PALM2AKAP2: variants seen among roughly 807,000 people sequenced by gnomAD.
The protein encoded by PALM2AKAP2 is PALM2 and AKAP2 fusion.
A neutral mutation model predicts 71.5 loss-of-function variants in PALM2AKAP2; 37 were observed. The ratio of observed to expected loss-of-function variants is 0.52; its 90% confidence interval spans 0.40 to 0.68. PALM2AKAP2 has a LOEUF of 0.68. Ranked by LOEUF, PALM2AKAP2 falls within the 30% of genes least tolerant of loss-of-function variation. The pLI is 0.00. For synonymous variants in PALM2AKAP2, 468 were observed against 478.8 expected (o/e 0.98, Z 0.29); for missense variants, 1,224 against 1,191.8 (o/e 1.03, Z -0.40).
At chr9:110,038,091 C>G (rs1019254513) in intron 7 of PALM2AKAP2, among the ~76,000 whole-genome samples, 10 of 152,186 alleles carry the variant, frequency 6.6e-5, no homozygotes, top group Non-Finnish European at 1.5e-4. Flanking sequence ...AATCCTAGCA[C>G]TTTGGAAGGC....
chr9:110,046,919 A>G (rs1367480425), upstream of PALM2AKAP2, among the ~76,000 whole-genome samples: 1 of 152,232 alleles, frequency 6.6e-6, no homozygotes, highest in African/African-American at 2.4e-5. Flanking sequence ...ATTCTTCCTT[A>G]GAGAGTCTAT....
At chr9:109,952,663 T>C (rs938643615) in intron 6 of PALM2AKAP2, among the ~76,000 whole-genome samples, 1 of 152,246 alleles carries the variant, frequency 6.6e-6, no homozygotes, top group Non-Finnish European at 1.5e-5. Context: ...TGCAGTTGTT[T>C]GTGGAGCTAT....
chr9:109,773,801 C>T (rs1298029774), intron 1 of PALM2AKAP2, among the ~76,000 whole-genome samples: 5 of 93,350 alleles, frequency 5.4e-5, no homozygotes, highest in South Asian at 3.9e-4. Context: ...GCAGTTTGTC[C>T]GGGAGGCCCT....
chr9:110,086,048 A>G (rs1430535160), intron 1 of PALM2AKAP2, among the ~76,000 whole-genome samples: 3 of 150,512 alleles, frequency 2.0e-5, no homozygotes, highest in Non-Finnish European at 4.4e-5. Flanking sequence ...CAGTGGTTGC[A>G]GTGAGCTGAG....
exon 4 of PALM2AKAP2, chr9:110,168,432 A>G (rs1836787905): frequency 6.2e-7 from 1 of 1,614,196 alleles, no homozygotes; most frequent in Non-Finnish European, 8.5e-7. Context: ...TCGAAGAAAG[A>G]GCGCACTGGC....
chr9:109,893,618 G>A (rs1336766266), intron 3 of PALM2AKAP2, among the ~76,000 whole-genome samples: 3 of 152,082 alleles, frequency 2.0e-5, no homozygotes, highest in Non-Finnish European at 2.9e-5. Flanking sequence ...GCTAATTTTT[G>A]TATTAACACC....
chr9:110,142,032 G>C (rs1261980777), intron 2 of PALM2AKAP2, among the ~76,000 whole-genome samples: 2 of 151,566 alleles, frequency 1.3e-5, no homozygotes, highest in East Asian at 1.9e-4. Flanking sequence ...GTTAATGACC[G>C]GGTATCTAGA....
Position 109,925,089 on chromosome 9 carries a change from G to A in PALM2AKAP2, c.394+7G>A, listed in dbSNP as rs1216855865. 6.2e-7 allele frequency: 1 copy of A among 1,614,112 alleles called. No homozygotes were observed. Among genetic ancestry groups the A allele is most frequent in the African/African-American group, 1.3e-5 (1 of 75,030 alleles). ...TTCTCCAGTACGGATGGAGGTAAGT[G>A]CTCTCTGCCCCGACTGTAGATGAAT... On this transcript the variant is annotated splice_region_variant and intron_variant, in intron 5 of 9. Transcript: ENST00000302798.
intron 1 of PALM2AKAP2, among the ~76,000 whole-genome samples, chr9:109,851,828 A>C (rs10980086): frequency 0.11 from 16,674 of 152,198 alleles, 1,060 homozygotes; most frequent in East Asian, 0.26. Flanking sequence ...CGGTTTGCTA[A>C]CTTGAGCATC....
intron 6 of PALM2AKAP2, among the ~76,000 whole-genome samples, chr9:110,010,290 A>G (rs1832856405): frequency 6.6e-6 from 1 of 152,024 alleles, no homozygotes; most frequent in Non-Finnish European, 1.5e-5. Context: ...TTATAGGAAT[A>G]ATATAAATGT....
intron 1 of PALM2AKAP2, among the ~76,000 whole-genome samples, chr9:110,112,391 T>TAAG (rs1835272499): frequency 6.6e-6 from 1 of 152,184 alleles, no homozygotes; most frequent in African/African-American, 2.4e-5. Context: ...GCTCTGAGCT[T>TAAG]CAATGTGTTC....
At chr9:109,795,827 G>T (rs1827237835) in intron 1 of PALM2AKAP2, among the ~76,000 whole-genome samples, 1 of 152,194 alleles carries the variant, frequency 6.6e-6, no homozygotes, top group African/African-American at 2.4e-5. Flanking sequence ...TTGTGTATTT[G>T]TTAGGGCAAT....
intron 6 of PALM2AKAP2, chr9:109,946,391 A>T (rs1034422446): frequency 2.6e-5 from 4 of 152,166 alleles, no homozygotes; most frequent in African/African-American, 9.7e-5. Context: ...GCTTTCCTTT[A>T]AAATAATATA....
At chr9:109,972,689 C>A (rs542740938) in intron 6 of PALM2AKAP2, among the ~76,000 whole-genome samples, 5 of 152,194 alleles carry the variant, frequency 3.3e-5, no homozygotes, top group African/African-American at 4.8e-5. Flanking sequence ...ACCCCACCAC[C>A]AGTCTGCAGG....
intron 1 of PALM2AKAP2, among the ~76,000 whole-genome samples, chr9:109,647,240 C>A (rs1827167906): frequency 6.6e-6 from 1 of 152,138 alleles, no homozygotes; most frequent in African/African-American, 2.4e-5. Flanking sequence ...CAATGTATGT[C>A]AGCCTGTGTA....
intron 1 of PALM2AKAP2, among the ~76,000 whole-genome samples, chr9:109,661,249 C>T (rs141125388): frequency 6.6e-6 from 1 of 152,120 alleles, no homozygotes; most frequent in Non-Finnish European, 1.5e-5. Context: ...ATGCCTATGT[C>T]CTGAATGGTA....
chr9:109,729,572 A>G (rs920387219), intron 1 of PALM2AKAP2, among the ~76,000 whole-genome samples: 2 of 152,208 alleles, frequency 1.3e-5, no homozygotes, highest in African/African-American at 4.8e-5. Flanking sequence ...GAAGAAATAA[A>G]TATGATCAGA....
chr9:110,063,018 CAA>C (rs1444112306), intron 1 of PALM2AKAP2, among the ~76,000 whole-genome samples: 2 of 152,158 alleles, frequency 1.3e-5, no homozygotes, highest in Admixed American at 6.5e-5. Flanking sequence ...CTGCCAGACT[CAA>C]AAGCATATCT....
At position 110,011,010 on chromosome 9, in the gene PALM2AKAP2, A is replaced by ATATATAT. The variant is rs1417017283; in HGVS notation, c.497-4944_497-4943insTATATAT. Among the ~76,000 whole-genome samples the ATATATAT allele has an allele frequency of 4.6e-3, 411 of 88,624 alleles. 1 individual carries two copies. The highest frequency in any genetic ancestry group is 6.0e-3 in the African/African-American group (83 of 13,850). The allele number at this position is 88,624 out of a possible 152,430, so 58.1% of individuals were successfully genotyped here. A position where few individuals can be genotyped will look rare whatever the true frequency, so the allele number is the denominator to read the frequency against. On this transcript the variant is annotated intron_variant, in intron 6 of 9. Coordinates refer to the PALM2AKAP2 transcript ENST00000302798. ...AAACTCTGTCTCAAAAAAAAAAAAA[A>ATATATAT]AAAAATATATATATATATATATATA...
Sources: allele counts gnomAD v4.1 joint callset (sites outside exome capture counted in the v4.1 genomes callset), GRCh38; gene constraint gnomAD v4.1.1; transcripts MANE v1.5; gene names NCBI Gene and HGNC (gene_info 2026-07-23, HGNC 2026-07-21).